PDE4D: variants seen among roughly 807,000 people sequenced by gnomAD.
PDE4D encodes 3',5'-cyclic-AMP phosphodiesterase 4D.
PDE4D carries 24 observed loss-of-function variants against 87.4 expected under a neutral mutation model. The observed-to-expected ratio is 0.27, with a 90% CI of 0.20 to 0.39. PDE4D has a LOEUF of 0.39. Ranked by LOEUF, PDE4D falls within the 10% of genes least tolerant of loss-of-function variation. The probability of loss-of-function intolerance (pLI) is 1.00; values close to 1 mark genes in which losing one functional copy is unlikely to be tolerated. For synonymous variants in PDE4D, 384 were observed against 383.2 expected (o/e 1.00, Z -0.02); for missense variants, 714 against 1,041.0 (o/e 0.69, Z 4.32).
At chr5:59,387,601 G>A (rs980899651) in intron 1 of PDE4D, among the ~76,000 whole-genome samples, 3 of 151,890 alleles carry the variant, frequency 2.0e-5, no homozygotes, top group South Asian at 2.1e-4. Flanking sequence ...TATAAACCTC[G>A]TACTGTCATG....
intron 3 of PDE4D, among the ~76,000 whole-genome samples, chr5:59,922,260 G>A (rs1236096947): frequency 2.6e-5 from 4 of 152,152 alleles, no homozygotes; most frequent in African/African-American, 9.7e-5. Flanking sequence ...AAATAAACTT[G>A]AACGACAGTC....
Position 59,042,014 on chromosome 5 carries a change from T to C in PDE4D, c.809-3043A>G, listed in dbSNP as rs1393945107. Among the ~76,000 whole-genome samples, 3 of 152,200 alleles carry C rather than the reference T, an allele frequency of 2.0e-5. No individual in the cohort carries two copies. In the East Asian group the frequency reaches 5.8e-4, roughly 29 times the overall value. On this transcript the variant is annotated intron_variant, in intron 5 of 14. Transcript: ENST00000340635. ...TTTGACAGACAGGATTTGAGTATGATGATAAAATGGGGTAAGCATATATTT... is the reference window on the plus strand; with the variant it reads ...TTTGACAGACAGGATTTGAGTATGACGATAAAATGGGGTAAGCATATATTT...
rs902097564 is a variant in PDE4D at position 58,969,615 on chromosome 5, T to C, written c.*5049A>G. ...CTGCTTATTTACCCCACTGAGCTCC[T>C]TCATTGTACTGATCACATATATAAT... On this transcript the variant is annotated 3_prime_UTR_variant, in exon 15 of 15. Coordinates refer to ENST00000340635, the MANE Select transcript of PDE4D (RefSeq NM_001104631.2). The C allele has an allele frequency of 4.6e-5, 7 of 152,180 alleles. No homozygotes were observed. The highest frequency in any genetic ancestry group is 1.7e-4 in the African/African-American group (7 of 41,436). The allele number at this position is 152,180 out of a possible 1,614,324, so 9.4% of individuals were successfully genotyped here.
At chr5:59,916,696 A>G (rs1357987128) in intron 3 of PDE4D, among the ~76,000 whole-genome samples, 1 of 152,200 alleles carries the variant, frequency 6.6e-6, no homozygotes, top group African/African-American at 2.4e-5. Context: ...AGATGGTTCT[A>G]GATATTGGCA....
intron 6 of PDE4D, among the ~76,000 whole-genome samples, chr5:59,006,849 T>C (rs1214766892): frequency 6.6e-6 from 1 of 152,154 alleles, no homozygotes; most frequent in Non-Finnish European, 1.5e-5. Context: ...AGAGAAAAGA[T>C]GCATTTTTGA....
chr5:59,347,585 C>T (rs979766562), intron 1 of PDE4D, among the ~76,000 whole-genome samples: 1 of 152,152 alleles, frequency 6.6e-6, no homozygotes, highest in Non-Finnish European at 1.5e-5. Context: ...ACTACTGCTA[C>T]CGATTTTTAA....
At chr5:60,381,401 A>G (rs536380922) in intron 1 of PDE4D, among the ~76,000 whole-genome samples, 3 of 152,300 alleles carry the variant, frequency 2.0e-5, no homozygotes, top group African/African-American at 7.2e-5. Context: ...TTTTCCCCAC[A>G]TATCTTTTGC....
At chr5:59,348,518 T>G (rs1232578311) in intron 1 of PDE4D, among the ~76,000 whole-genome samples, 1 of 152,152 alleles carries the variant, frequency 6.6e-6, no homozygotes, top group Non-Finnish European at 1.5e-5. Flanking sequence ...CTGTTCATTT[T>G]TGAATGTTTA....
At chr5:59,401,478 A>ATCTGTCTG (rs74715038) in intron 1 of PDE4D, among the ~76,000 whole-genome samples, 168 of 150,986 alleles carry the variant, frequency 1.1e-3, no homozygotes, top group African/African-American at 3.3e-3. Context: ...CTATCTATCT[A>ATCTGTCTG]TCTATCTATT....
intron 1 of PDE4D, among the ~76,000 whole-genome samples, chr5:59,734,775 G>A (rs1246651616): frequency 6.6e-6 from 1 of 152,124 alleles, no homozygotes; most frequent in Non-Finnish European, 1.5e-5. Context: ...ATGTGTGAGG[G>A]AGAGATGAAA....
At chr5:59,734,201 A>AT (rs921049047) in intron 1 of PDE4D, among the ~76,000 whole-genome samples, 16 of 149,758 alleles carry the variant, frequency 1.1e-4, no homozygotes, top group Admixed American at 2.7e-4. Context: ...TAAAGCATTC[A>AT]TTTTTTTTTT....
At chr5:59,172,226 T>A (rs7701945) in intron 5 of PDE4D, among the ~76,000 whole-genome samples, 3 of 114,690 alleles carry the variant, frequency 2.6e-5, no homozygotes, top group African/African-American at 3.5e-5. Flanking sequence ...ATAATAAATA[T>A]ATAATAAATA....
At chr5:59,515,274 T>C (rs886730570) in intron 1 of PDE4D, among the ~76,000 whole-genome samples, 2 of 152,196 alleles carry the variant, frequency 1.3e-5, no homozygotes, top group African/African-American at 4.8e-5. Flanking sequence ...TTTAACAGTC[T>C]TTTGAAAGCA....
In PDE4D at chr5:59,618,902, A is replaced by C. The variant is rs186170781; in HGVS notation, c.455+274266T>G. Among the ~76,000 whole-genome samples the C allele has an allele frequency of 1.7e-4, 26 of 152,246 alleles. No homozygotes were observed. In the East Asian group the frequency reaches 4.5e-3, roughly 26 times the overall value. On this transcript the variant is annotated intron_variant, in intron 1 of 14. Coordinates refer to ENST00000340635, the MANE Select transcript of PDE4D (RefSeq NM_001104631.2). ...CTCTCACTTTCCGCCATATGATGTC[A>C]CAACAAGAAAGCCCTCGCAAGATGC...
chr5:59,357,330 T>C (rs1033062207), intron 1 of PDE4D, among the ~76,000 whole-genome samples: 1 of 152,232 alleles, frequency 6.6e-6, no homozygotes, highest in Non-Finnish European at 1.5e-5. Context: ...CTGGGTCATC[T>C]GACAAAGATT....
At chr5:59,356,343 A>G (rs1223200058) in intron 1 of PDE4D, among the ~76,000 whole-genome samples, 3 of 152,224 alleles carry the variant, frequency 2.0e-5, no homozygotes, top group African/African-American at 2.4e-5. Flanking sequence ...TACCTGAAAC[A>G]GCATTAGTTT....
At chr5:59,515,136 T>C (rs1057097287) in intron 1 of PDE4D, among the ~76,000 whole-genome samples, 11 of 152,170 alleles carry the variant, frequency 7.2e-5, no homozygotes, top group African/African-American at 2.7e-4. Context: ...GATAAAAATG[T>C]ATGGCAAATT....
chr5:60,013,675 G>A (rs558069133), intron 2 of PDE4D, among the ~76,000 whole-genome samples: 26 of 152,272 alleles, frequency 1.7e-4, no homozygotes, highest in African/African-American at 6.3e-4. Flanking sequence ...TTATATGGGT[G>A]ACCCATAATA....
chr5:59,342,966 TTTC>T (rs1372934398), intron 1 of PDE4D, among the ~76,000 whole-genome samples: 4 of 96,534 alleles, frequency 4.1e-5, no homozygotes, highest in South Asian at 4.0e-4. Flanking sequence ...TCTTAGAAAT[TTTC>T]TTTTTTTTTT....
Sources: gnomAD v4.1 joint callset for allele counts (sites outside exome capture counted in the v4.1 genomes callset) on GRCh38, gnomAD v4.1.1 for gene constraint, MANE v1.5 for transcripts, NCBI Gene and HGNC (gene_info 2026-07-23, HGNC 2026-07-21) for gene names.